ATP10B: variants seen among roughly 807,000 people sequenced by gnomAD.
ATP10B encodes ATPase phospholipid transporting 10B (putative), also known as phospholipid-transporting ATPase VB.
Under a neutral mutation model 141.2 loss-of-function variants are expected in ATP10B, and 122 were observed. The observed-to-expected ratio is 0.86, with a 90% CI of 0.75 to 1.00. The LOEUF is 1.00. Ranked by LOEUF, ATP10B falls within the 50% of genes least tolerant of loss-of-function variation. ATP10B has a pLI of 0.00. For missense variants in ATP10B, 1,876 were observed against 1,825.3 expected (o/e 1.03, Z -0.51); for synonymous variants, 685 against 692.0 (o/e 0.99, Z 0.16).
chr5:160,832,359 C>A (rs1440033554), intron 1 of ATP10B, among the ~76,000 whole-genome samples: 1 of 151,988 alleles, frequency 6.6e-6, no homozygotes, highest in African/African-American at 2.4e-5. Flanking sequence ...ACCAATATAA[C>A]AAAATACTAT....
chr5:160,828,201 T>C (rs1158467020), intron 1 of ATP10B, among the ~76,000 whole-genome samples: 3 of 151,964 alleles, frequency 2.0e-5, no homozygotes, highest in Admixed American at 2.0e-4. Context: ...GAAGCCAAAA[T>C]TGACAAATGG....
chr5:160,700,437 C>G (rs1764605422), intron 3 of ATP10B, among the ~76,000 whole-genome samples: 1 of 152,168 alleles, frequency 6.6e-6, no homozygotes, highest in African/African-American at 2.4e-5. Context: ...TATGTCAAGT[C>G]CAGGGGGATG....
intron 1 of ATP10B, among the ~76,000 whole-genome samples, chr5:160,815,014 C>A (rs1054359366): frequency 2.0e-5 from 3 of 152,148 alleles, no homozygotes; most frequent in Non-Finnish European, 4.4e-5. Context: ...AAAACTGGGA[C>A]CAGCCACTGC....
At chr5:160,573,218 T>C (rs1159742326) in intron 24 of ATP10B, among the ~76,000 whole-genome samples, 1 of 152,216 alleles carries the variant, frequency 6.6e-6, no homozygotes, top group Admixed American at 6.5e-5. Flanking sequence ...CCTTCTCTCT[T>C]TCATTCAGCC....
chr5:160,731,388 AG>A (rs1342369505), intron 2 of ATP10B, among the ~76,000 whole-genome samples: 1 of 152,216 alleles, frequency 6.6e-6, no homozygotes, highest in Non-Finnish European at 1.5e-5. Context: ...GCAAGTGAAC[AG>A]GTACCTGCTC....
rs148727042 is a variant in ATP10B, at chr5:160,768,137, C to T, written c.-331+17422G>A. On this transcript the variant is annotated intron_variant, in intron 2 of 25. Coordinates refer to ENST00000327245, the MANE Select transcript of ATP10B (RefSeq NM_025153.3). ...GAATCTTGGTCATTACCATCATTGTCATCTTCCTCTTATTTCTTCCCATCA... is the reference window on the plus strand; with the variant it reads ...GAATCTTGGTCATTACCATCATTGTTATCTTCCTCTTATTTCTTCCCATCA... Among the ~76,000 whole-genome samples, 271 of 152,238 alleles carry T rather than the reference C, an allele frequency of 1.8e-3. 1 individual carries two copies. Among genetic ancestry groups the T allele is most frequent in the Non-Finnish European group, 3.2e-3 (216 of 68,006 alleles).
chr5:160,608,547 T>C (rs780061141), intron 18 of ATP10B, among the ~76,000 whole-genome samples: 2 of 152,166 alleles, frequency 1.3e-5, no homozygotes, highest in African/African-American at 4.8e-5. Context: ...CGCCCACCGA[T>C]AGTGTAAAAG....
intron 15 of ATP10B, 30 bp from the exon 16 acceptor site, chr5:160,618,003 C>T (rs1410238563): frequency 5.2e-6 from 8 of 1,549,036 alleles, no homozygotes. Flanking sequence ...CCGCATGAGG[C>T]CACATACAAA....
the ATP10B span, among the ~76,000 whole-genome samples, chr5:160,867,814 T>C: frequency 6.6e-6 from 1 of 152,140 alleles, no homozygotes; most frequent in South Asian, 2.1e-4. Flanking sequence ...GAAACTGTTA[T>C]AAGAATATAG....
upstream of ATP10B, among the ~76,000 whole-genome samples, chr5:160,853,585 C>T (rs1321823454): frequency 2.0e-5 from 3 of 152,132 alleles, no homozygotes; most frequent in Non-Finnish European, 4.4e-5. Flanking sequence ...GAGAGAGGCA[C>T]ATGCAATTTA....
chr5:160,648,298 A>G (rs1760442479), intron 8 of ATP10B, among the ~76,000 whole-genome samples: 1 of 152,120 alleles, frequency 6.6e-6, no homozygotes, highest in South Asian at 2.1e-4. Flanking sequence ...AAATTCATAA[A>G]CTTTCTTAAA....
chr5:160,654,707 AT>A (rs1761362309), intron 7 of ATP10B, among the ~76,000 whole-genome samples: 2 of 152,026 alleles, frequency 1.3e-5, no homozygotes, highest in African/African-American at 2.4e-5. Flanking sequence ...CGTCATCGTC[AT>A]CATCATCATC....
At chr5:160,602,328 T>C (rs1197873164) in intron 21 of ATP10B, among the ~76,000 whole-genome samples, 1 of 152,234 alleles carries the variant, frequency 6.6e-6, no homozygotes, top group Non-Finnish European at 1.5e-5. Context: ...CAGCTATTCA[T>C]GCTGCCCTCT....
chr5:160,847,557 G>A (rs1776205550), intron 1 of ATP10B, among the ~76,000 whole-genome samples: 1 of 152,152 alleles, frequency 6.6e-6, no homozygotes, highest in South Asian at 2.1e-4. Flanking sequence ...GTTAAACTTG[G>A]TTAGTGTTTT....
chr5:160,655,214 G>A (rs559234687), intron 7 of ATP10B, among the ~76,000 whole-genome samples: 7 of 152,208 alleles, frequency 4.6e-5, no homozygotes, highest in African/African-American at 1.7e-4. Flanking sequence ...ACCTACAAAG[G>A]GTAAGGGTTA....
the ATP10B span, among the ~76,000 whole-genome samples, chr5:160,879,897 G>A: frequency 6.6e-6 from 1 of 152,012 alleles, no homozygotes; most frequent in Admixed American, 6.6e-5. Flanking sequence ...ATTGTATCAA[G>A]GTTTCAGGAT....
the ATP10B span, among the ~76,000 whole-genome samples, chr5:160,895,142 T>C: frequency 6.6e-6 from 1 of 152,138 alleles, no homozygotes; most frequent in Non-Finnish European, 1.5e-5. Context: ...AGAAACTGCG[T>C]CAACTCATGG....
chr5:160,672,036 G>A (rs1581324490), intron 6 of ATP10B, among the ~76,000 whole-genome samples: 1 of 126,392 alleles, frequency 7.9e-6, no homozygotes, highest in East Asian at 2.2e-4. Context: ...GAGTGCAGTC[G>A]TACGATCTTG....
intron 2 of ATP10B, among the ~76,000 whole-genome samples, chr5:160,733,663 C>CACATAT (rs1402238223): frequency 1.3e-3 from 139 of 103,048 alleles, no homozygotes; most frequent in African/African-American, 4.1e-3. Flanking sequence ...ATATATGTAA[C>CACATAT]GTTATATATA....
Sources: gnomAD v4.1 joint callset for allele counts (sites outside exome capture counted in the v4.1 genomes callset) on GRCh38, gnomAD v4.1.1 for gene constraint, MANE v1.5 for transcripts, NCBI Gene and HGNC (gene_info 2026-07-23, HGNC 2026-07-21) for gene names.